CEP128: variants seen among roughly 807,000 people sequenced by gnomAD.
CEP128 encodes centrosomal protein 128kDa.
A neutral mutation model predicts 156.7 loss-of-function variants in CEP128; 132 were observed. The observed-to-expected ratio is 0.84, with a 90% CI of 0.73 to 0.97. The LOEUF is 0.97. Ranked by LOEUF, CEP128 falls within the 50% of genes least tolerant of loss-of-function variation. The pLI, the probability that CEP128 is intolerant of heterozygous loss-of-function variation, is 0.00. For synonymous variants in CEP128, 469 were observed against 448.9 expected, an observed-to-expected ratio of 1.04 and a Z score of -0.57; for missense variants, 1,252 against 1,281.9, an observed-to-expected ratio of 0.98 and a Z score of 0.36.
intron 19 of CEP128, among the ~76,000 whole-genome samples, chr14:80,594,183 T>C (rs146118134): frequency 6.6e-6 from 1 of 151,960 alleles, no homozygotes; most frequent in East Asian, 1.9e-4. Flanking sequence ...CTACAACCAT[T>C]TCACCTTTGA....
chr14:80,903,730 G>A (rs896008704), intron 6 of CEP128, among the ~76,000 whole-genome samples: 3 of 151,818 alleles, frequency 2.0e-5, no homozygotes, highest in African/African-American at 7.3e-5. Context: ...TGGTCAATAG[G>A]TACATTTTTA....
At position 80,830,157 on chromosome 14, in the gene CEP128, C is replaced by A. The variant is rs148396635; in HGVS notation, c.1209+986G>T. The A allele has an allele frequency of 1.1e-4, 57 of 529,260 alleles. No homozygotes were observed. The East Asian group carries it at 1.6e-3, about 15-fold the overall frequency. 32.8% of individuals were successfully genotyped at this position (529,260 alleles called of 1,614,324 possible). ...TTTAAAAGTTGTATAATTACCATTG[C>A]TCTGAGACAATTTCAAGTAAGTCTT... On this transcript the variant is annotated intron_variant, in intron 13 of 24. Transcript: ENST00000555265.
chr14:80,922,234 T>C (rs1884906860), intron 2 of CEP128, among the ~76,000 whole-genome samples: 1 of 152,220 alleles, frequency 6.6e-6, no homozygotes, highest in Non-Finnish European at 1.5e-5. Context: ...GGCAACTTCC[T>C]GACCTTATTT....
At chr14:80,554,711 T>C (rs1419328054) in intron 21 of CEP128, among the ~76,000 whole-genome samples, 1 of 152,134 alleles carries the variant, frequency 6.6e-6, no homozygotes, top group African/African-American at 2.4e-5. Context: ...TTTTCAATCA[T>C]AATGGACAAT....
At chr14:80,729,377 T>TGTAC (rs1454367820) in intron 19 of CEP128, among the ~76,000 whole-genome samples, 1 of 106,514 alleles carries the variant, frequency 9.4e-6, no homozygotes, top group African/African-American at 3.7e-5. Context: ...TATTCTATGG[T>TGTAC]ATACATATAT....
intron 19 of CEP128, among the ~76,000 whole-genome samples, chr14:80,617,219 CTTTT>C (rs3069115): frequency 2.7e-4 from 16 of 60,212 alleles, no homozygotes; most frequent in African/African-American, 7.8e-4. Context: ...TGAATATCAT[CTTTT>C]TTTTTTTTTT....
At chr14:80,510,176 A>T (rs1182544780) in intron 23 of CEP128, among the ~76,000 whole-genome samples, 1 of 152,142 alleles carries the variant, frequency 6.6e-6, no homozygotes, top group Non-Finnish European at 1.5e-5. Flanking sequence ...TGATCTTTTC[A>T]TAGGGGTTGC....
rs189355608 is a variant in CEP128, at chr14:80,797,238, C to T, written c.1210-4128G>A. 1.0e-3 allele frequency among the ~76,000 whole-genome samples: 154 copies of T among 152,308 alleles called. 1 individual carries two copies. Among genetic ancestry groups the T allele is most frequent in the African/African-American group, 3.5e-3 (147 of 41,582 alleles). On this transcript the variant is annotated intron_variant, in intron 13 of 24. Transcript: ENST00000555265. ...TTAACATATTCAAGCCCAGAGCTTA[C>T]GCAGGCAAACTCTTTTGTTCTCACA... is the stretch of plus-strand genomic sequence containing the variant.
intron 19 of CEP128, among the ~76,000 whole-genome samples, chr14:80,740,551 C>CAGACAGACAGAT (rs71878031): frequency 5.7e-5 from 8 of 139,946 alleles, no homozygotes; most frequent in Admixed American, 5.0e-4. Context: ...GATAGACAGA[C>CAGACAGACAGAT]AGATAGATAG....
intron 19 of CEP128, among the ~76,000 whole-genome samples, chr14:80,738,348 G>C (rs758411302): frequency 1.3e-5 from 2 of 152,100 alleles, no homozygotes; most frequent in Non-Finnish European, 2.9e-5. Context: ...ATAGAAATTC[G>C]AAGGATGAGC....
At chr14:80,705,229 G>A (rs1010041273) in intron 19 of CEP128, among the ~76,000 whole-genome samples, 5 of 151,888 alleles carry the variant, frequency 3.3e-5, no homozygotes, top group Non-Finnish European at 7.4e-5. Context: ...TGCTTGATAG[G>A]CCTCTTAAAT....
rs368794172 is a variant in CEP128, at chr14:80,837,491, G to A, written c.924+713C>T. 1.1e-4 allele frequency among the ~76,000 whole-genome samples: 17 copies of A among 152,324 alleles called. No homozygotes were observed. The South Asian group carries it at 3.5e-3, about 32-fold the overall frequency. ...CCCAGCACTTTGGGAGGCCGAGGTG[G>A]GGAATCACGAAGTCAGGAGATCGAG... On this transcript the variant is annotated intron_variant, in intron 11 of 24. Transcript: ENST00000555265.
intron 21 of CEP128, among the ~76,000 whole-genome samples, chr14:80,532,907 T>C (rs1343808286): frequency 2.0e-5 from 3 of 152,194 alleles, no homozygotes; most frequent in Admixed American, 6.5e-5. Flanking sequence ...GAAGTCTACA[T>C]GCTGTTTCTT....
chr14:80,786,820 T>C (rs2139815599), intron 14 of CEP128, among the ~76,000 whole-genome samples: 1 of 152,108 alleles, frequency 6.6e-6, no homozygotes, highest in Middle Eastern at 3.4e-3. Context: ...ATCAAAACTG[T>C]AAAAAGAGCC....
intron 23 of CEP128, among the ~76,000 whole-genome samples, chr14:80,518,536 A>T (rs985202107): frequency 1.3e-5 from 2 of 152,150 alleles, no homozygotes; most frequent in African/African-American, 4.8e-5. Context: ...CTTTCTGCCT[A>T]CTGTTTTATG....
intron 2 of CEP128, among the ~76,000 whole-genome samples, chr14:80,925,863 G>A (rs774534560): frequency 3.3e-5 from 5 of 152,194 alleles, no homozygotes; most frequent in East Asian, 3.9e-4. Flanking sequence ...TCCCACTGGG[G>A]AGCCGAGCAA....
At chr14:80,722,257 C>T (rs1336415947) in intron 19 of CEP128, among the ~76,000 whole-genome samples, 1 of 152,098 alleles carries the variant, frequency 6.6e-6, no homozygotes, top group South Asian at 2.1e-4. Flanking sequence ...CTGAGAAACA[C>T]CCAGCGTCAT....
intron 19 of CEP128, among the ~76,000 whole-genome samples, chr14:80,708,059 A>T (rs1595257940): frequency 1.3e-5 from 2 of 152,276 alleles, no homozygotes; most frequent in East Asian, 3.9e-4. Context: ...AAATATTTGC[A>T]TTCCTTTTCA....
At chr14:80,554,938 G>GA (rs1283203373) in intron 21 of CEP128, among the ~76,000 whole-genome samples, 2 of 151,764 alleles carry the variant, frequency 1.3e-5, no homozygotes, top group African/African-American at 2.4e-5. Context: ...AGAGCCACCA[G>GA]AAAAAAATCC....
Sources: allele counts gnomAD v4.1 joint callset (sites outside exome capture counted in the v4.1 genomes callset), GRCh38; gene constraint gnomAD v4.1.1; transcripts MANE v1.5; gene names NCBI Gene and HGNC (gene_info 2026-07-23, HGNC 2026-07-21).